MGAT4C: variants seen among roughly 807,000 people sequenced by gnomAD.
The protein encoded by MGAT4C is alpha-1,3-mannosyl-glycoprotein 4-beta-N-acetylglucosaminyltransferase C.
In MGAT4C, 19 loss-of-function variants were observed where a neutral mutation model predicts 40.1. That is an observed-to-expected ratio of 0.47 (90% CI 0.33 to 0.70). The LOEUF (loss-of-function observed/expected upper bound fraction) is 0.70. MGAT4C is among the 30% of genes least tolerant of loss of function. The pLI, the probability that MGAT4C is intolerant of heterozygous loss-of-function variation, is 0.02. For missense variants in MGAT4C, 491 were observed against 563.2 expected (o/e 0.87, Z 1.30); for synonymous variants, 181 against 187.1 (o/e 0.97, Z 0.27).
At position 86,825,013 on chromosome 12, in the gene MGAT4C, A is replaced by C. The variant is rs1593242084; in HGVS notation, c.-262+13653T>G. 2.6e-5 allele frequency among the ~76,000 whole-genome samples: 4 copies of C among 151,498 alleles called. No individual in the cohort carries two copies. The East Asian group carries it at 7.8e-4, about 30-fold the overall frequency. ...ATGAACTGTTTCTGATCTAAGTAGA[A>C]AAGGTCAACACGAGTCAATCAAAAA... is the stretch of plus-strand genomic sequence containing the variant. On this transcript the variant is annotated intron_variant, in intron 1 of 7. Transcript: ENST00000548651.
chr12:86,453,644 C>A (rs1957462612), intron 2 of MGAT4C, among the ~76,000 whole-genome samples: 1 of 152,104 alleles, frequency 6.6e-6, no homozygotes, highest in Non-Finnish European at 1.5e-5. Flanking sequence ...TGGCTTTTGT[C>A]TGGTCTTCAT....
intron 1 of MGAT4C, among the ~76,000 whole-genome samples, chr12:86,737,690 C>A (rs1349185655): frequency 1.3e-5 from 2 of 151,300 alleles, no homozygotes; most frequent in East Asian, 3.9e-4. Context: ...CACATCCACC[C>A]CTAAAATTTC....
chr12:86,766,598 A>G lies in MGAT4C; in HGVS notation c.-261-39357T>C, dbSNP rs552915597. Reference sequence around the variant, plus strand: ...CAGCACCACACCACACCTATTCCACAATTGACCACATAGTTGGAAGTAAAG... The same window carrying G: ...CAGCACCACACCACACCTATTCCACGATTGACCACATAGTTGGAAGTAAAG... On this transcript the variant is annotated intron_variant, in intron 1 of 7. Coordinates refer to the MGAT4C transcript ENST00000548651. Among the ~76,000 whole-genome samples the G allele has an allele frequency of 9.3e-3, 1,396 of 149,586 alleles. 16 individuals are homozygous for G. The highest frequency in any genetic ancestry group is 0.032 in the African/African-American group (1,335 of 41,148).
At chr12:86,372,562 T>G (rs1244154575) in intron 3 of MGAT4C, among the ~76,000 whole-genome samples, 1 of 151,910 alleles carries the variant, frequency 6.6e-6, no homozygotes, top group Non-Finnish European at 1.5e-5. Context: ...TATTTCTGCT[T>G]TAAAAGCTTT....
At chr12:86,660,553 C>T (rs889561960) in intron 2 of MGAT4C, among the ~76,000 whole-genome samples, 2 of 152,048 alleles carry the variant, frequency 1.3e-5, no homozygotes, top group African/African-American at 4.8e-5. Flanking sequence ...TTTAAATTTT[C>T]TACAACATAA....
chr12:86,822,905 T>C (rs1332967598), intron 1 of MGAT4C, among the ~76,000 whole-genome samples: 2 of 151,026 alleles, frequency 1.3e-5, no homozygotes, highest in African/African-American at 4.8e-5. Context: ...ACAAATTATG[T>C]TAGGTTAGAA....
chr12:86,716,905 T>C (rs1468172142), intron 2 of MGAT4C, among the ~76,000 whole-genome samples: 1 of 152,108 alleles, frequency 6.6e-6, no homozygotes, highest in Admixed American at 6.6e-5. Flanking sequence ...CCTTGAAATA[T>C]GCAGTTGATT....
At chr12:86,182,324 A>G (rs995232689) in intron 1 of MGAT4C, among the ~76,000 whole-genome samples, 3 of 152,146 alleles carry the variant, frequency 2.0e-5, no homozygotes, top group Admixed American at 1.3e-4. Flanking sequence ...CAGGTTATGC[A>G]CAAAATTAAA....
intron 4 of MGAT4C, among the ~76,000 whole-genome samples, chr12:86,274,161 C>T (rs564959270): frequency 6.6e-6 from 1 of 152,256 alleles, no homozygotes; most frequent in African/African-American, 2.4e-5. Flanking sequence ...ACAACCAGAT[C>T]TCATGACAAG....
At chr12:86,275,944 CAAAAAA>C (rs748476574) in intron 4 of MGAT4C, among the ~76,000 whole-genome samples, 25 of 69,180 alleles carry the variant, frequency 3.6e-4, no homozygotes, top group African/African-American at 1.2e-3. Flanking sequence ...ACTAAAAATC[CAAAAAA>C]AAAAAAAAAA....
intron 1 of MGAT4C, among the ~76,000 whole-genome samples, chr12:86,142,072 C>T (rs1209967198): frequency 6.6e-6 from 1 of 152,048 alleles, no homozygotes; most frequent in African/African-American, 2.4e-5. Context: ...TTACTGACTC[C>T]CCTGGCTTTA....
chr12:86,437,218 A>T (rs1243348900), intron 2 of MGAT4C, among the ~76,000 whole-genome samples: 1 of 151,818 alleles, frequency 6.6e-6, no homozygotes. Flanking sequence ...GAAATTCTTA[A>T]TGCTTATATT....
intron 3 of MGAT4C, among the ~76,000 whole-genome samples, chr12:86,394,430 C>A (rs922390009): frequency 4.0e-5 from 6 of 148,558 alleles, no homozygotes; most frequent in African/African-American, 1.5e-4. Flanking sequence ...ATTATCATTG[C>A]TCTGAAATAT....
intron 2 of MGAT4C, among the ~76,000 whole-genome samples, chr12:86,643,966 A>G (rs1963464873): frequency 6.6e-6 from 1 of 151,772 alleles, no homozygotes; most frequent in Non-Finnish European, 1.5e-5. Flanking sequence ...AAAATTTAAT[A>G]CATTATAGGT....
intron 3 of MGAT4C, among the ~76,000 whole-genome samples, chr12:86,420,576 A>G (rs1956801246): frequency 6.6e-6 from 1 of 152,088 alleles, no homozygotes; most frequent in South Asian, 2.1e-4. Context: ...CTACCAGTTC[A>G]TCTCCATAAG....
chr12:86,200,760 G>C (rs1183695664), intron 1 of MGAT4C, among the ~76,000 whole-genome samples: 1 of 152,120 alleles, frequency 6.6e-6, no homozygotes, highest in Admixed American at 6.5e-5. Flanking sequence ...CATATGTTGA[G>C]ACCTAAAATC....
chr12:86,684,410 T>A (rs1457207389), intron 2 of MGAT4C, among the ~76,000 whole-genome samples: 2 of 152,234 alleles, frequency 1.3e-5, no homozygotes, highest in African/African-American at 4.8e-5. Context: ...ATGTGCCACA[T>A]TTTCTTTATC....
intron 3 of MGAT4C, among the ~76,000 whole-genome samples, chr12:86,385,520 C>A (rs1484139175): frequency 6.6e-6 from 1 of 152,166 alleles, no homozygotes; most frequent in African/African-American, 2.4e-5. Context: ...TCTTTCAATG[C>A]CTCCTCAGCT....
chr12:85,989,695 G>T (rs1885660906), intron 2 of MGAT4C, 143 bp from the exon 3 acceptor site: 1 of 697,826 alleles, frequency 1.4e-6, no homozygotes, highest in South Asian at 2.3e-5. Context: ...CAAACATAAG[G>T]TTGGCACAGA....
Sources: gnomAD v4.1 joint callset for allele counts (sites outside exome capture counted in the v4.1 genomes callset) on GRCh38, gnomAD v4.1.1 for gene constraint, MANE v1.5 for transcripts, NCBI Gene and HGNC (gene_info 2026-07-23, HGNC 2026-07-21) for gene names.